The following LRP1B variants were observed in gnomAD, a reference collection of about 807,000 sequenced individuals.
LRP1B encodes the protein LDL receptor related protein 1B, also known as low-density lipoprotein receptor-related protein 1B.
In LRP1B, 217 loss-of-function variants were observed where a neutral mutation model predicts 556.6. The observed-to-expected ratio is 0.39, with a 90% CI of 0.35 to 0.44. The LOEUF is 0.44. Among genes scored for constraint, LRP1B ranks in the 20% least tolerant of loss-of-function variants. The probability of loss-of-function intolerance (pLI) is 1.00; values close to 1 mark genes in which losing one functional copy is unlikely to be tolerated. For synonymous variants in LRP1B, 2,047 were observed against 1,865.8 expected, an observed-to-expected ratio of 1.10 and a Z score of -2.50; for missense variants, 5,053 against 5,620.8, an observed-to-expected ratio of 0.90 and a Z score of 3.23.
chr2:140,310,340 A>G (rs557656954), intron 83 of LRP1B, among the ~76,000 whole-genome samples: 15 of 151,464 alleles, frequency 9.9e-5, no homozygotes, highest in Non-Finnish European at 1.5e-4. Flanking sequence ...TACAGATTCA[A>G]TGCAATTTCT....
chr2:141,549,762 C>T (rs987225049), intron 2 of LRP1B, among the ~76,000 whole-genome samples: 6 of 152,078 alleles, frequency 3.9e-5, no homozygotes, highest in African/African-American at 9.7e-5. Flanking sequence ...TTTGGGAGGC[C>T]GAGGCAGGTG....
chr2:140,777,567 C>G (rs1314561551), intron 32 of LRP1B, among the ~76,000 whole-genome samples: 1 of 152,130 alleles, frequency 6.6e-6, no homozygotes, highest in African/African-American at 2.4e-5. Flanking sequence ...ATAAACAGTC[C>G]TTCTTTGTTA....
At chr2:141,896,987 G>C (rs1220706973) in intron 1 of LRP1B, among the ~76,000 whole-genome samples, 2 of 152,072 alleles carry the variant, frequency 1.3e-5, no homozygotes. Context: ...CCACATGTTA[G>C]GGTACGGCTT....
At chr2:140,488,779 G>A (rs183262738) in intron 57 of LRP1B, among the ~76,000 whole-genome samples, 8 of 152,044 alleles carry the variant, frequency 5.3e-5, no homozygotes, top group African/African-American at 7.2e-5. Flanking sequence ...AATATTCACC[G>A]TAAAGTTGAT....
intron 3 of LRP1B, among the ~76,000 whole-genome samples, chr2:141,460,633 A>G (rs1373044588): frequency 2.6e-5 from 4 of 152,204 alleles, no homozygotes; most frequent in African/African-American, 9.6e-5. Flanking sequence ...ATTTATAACA[A>G]TATTTGGAAT....
intron 3 of LRP1B, among the ~76,000 whole-genome samples, chr2:141,340,855 A>G (rs1361753699): frequency 2.0e-5 from 3 of 152,184 alleles, no homozygotes; most frequent in African/African-American, 7.2e-5. Context: ...AAGAAACAGA[A>G]CAACAAAAAA....
At chr2:140,369,760 G>C (rs1330225717) in intron 71 of LRP1B, among the ~76,000 whole-genome samples, 1 of 151,748 alleles carries the variant, frequency 6.6e-6, no homozygotes, top group Non-Finnish European at 1.5e-5. Flanking sequence ...TAATATTAAA[G>C]AAAGTAAAAT....
chr2:141,444,295 T>C (rs1481974897), intron 3 of LRP1B, among the ~76,000 whole-genome samples: 1 of 152,196 alleles, frequency 6.6e-6, no homozygotes, highest in Admixed American at 6.5e-5. Context: ...TCCTGAGAGT[T>C]TGCTGAAGTT....
intron 37 of LRP1B, among the ~76,000 whole-genome samples, chr2:140,712,666 G>A (rs1230194586): frequency 6.6e-6 from 1 of 151,842 alleles, no homozygotes. Flanking sequence ...TCATCACCCA[G>A]TTTGCATCAG....
intron 3 of LRP1B, among the ~76,000 whole-genome samples, chr2:141,402,131 C>A (rs1690471569): frequency 6.6e-6 from 1 of 152,094 alleles, no homozygotes; most frequent in Non-Finnish European, 1.5e-5. Flanking sequence ...TGGATTGAAT[C>A]AGAACCAGAA....
At chr2:140,497,360 C>T (rs1688987662) in intron 55 of LRP1B, among the ~76,000 whole-genome samples, 2 of 151,802 alleles carry the variant, frequency 1.3e-5, no homozygotes, top group South Asian at 2.1e-4. Context: ...TATTACTTTC[C>T]TTGAGAAGAT....
At chr2:142,126,152 C>T (rs993221468) in intron 1 of LRP1B, among the ~76,000 whole-genome samples, 4 of 151,818 alleles carry the variant, frequency 2.6e-5, no homozygotes, top group Admixed American at 2.0e-4. Context: ...AATTTTGACA[C>T]GTGTTTCTGC....
At chr2:140,342,014 C>T (rs1416253312) in intron 77 of LRP1B, among the ~76,000 whole-genome samples, 1 of 151,182 alleles carries the variant, frequency 6.6e-6, no homozygotes, top group East Asian at 1.9e-4. Context: ...TAAAAAACCA[C>T]GACGAGATCC....
At chr2:141,392,020 A>G (rs1470470151) in intron 3 of LRP1B, among the ~76,000 whole-genome samples, 1 of 152,154 alleles carries the variant, frequency 6.6e-6, no homozygotes, top group Non-Finnish European at 1.5e-5. Context: ...GGGATGGAGC[A>G]TATGTTTAGC....
intron 35 of LRP1B, among the ~76,000 whole-genome samples, chr2:140,741,639 C>T (rs567523395): frequency 6.6e-6 from 1 of 152,278 alleles, no homozygotes; most frequent in African/African-American, 2.4e-5. Context: ...TCCTACCACT[C>T]TCCATTCTCA....
intron 77 of LRP1B, among the ~76,000 whole-genome samples, chr2:140,338,501 AC>A (rs1681211874): frequency 6.6e-6 from 1 of 151,710 alleles, no homozygotes; most frequent in Non-Finnish European, 1.5e-5. Flanking sequence ...TTAGGAAATC[AC>A]CCTTTGTACT....
intron 18 of LRP1B, among the ~76,000 whole-genome samples, chr2:140,975,483 G>A (rs1367210095): frequency 4.1e-5 from 1 of 24,408 alleles, no homozygotes; most frequent in African/African-American, 9.5e-5. Flanking sequence ...AAGAGCTAAA[G>A]TTATATAAGC....
At chr2:141,289,635 A>G (rs954953991) in intron 3 of LRP1B, among the ~76,000 whole-genome samples, 7 of 152,176 alleles carry the variant, frequency 4.6e-5, no homozygotes, top group African/African-American at 1.7e-4. Flanking sequence ...TTTAGGAAAA[A>G]TAGACAACCT....
At chr2:141,979,117 G>C (rs1701971155) in intron 1 of LRP1B, among the ~76,000 whole-genome samples, 1 of 151,932 alleles carries the variant, frequency 6.6e-6, no homozygotes, top group Non-Finnish European at 1.5e-5. Context: ...AAATCTACTT[G>C]CTATGAAATA....
Sources: gnomAD v4.1 joint callset for allele counts (sites outside exome capture counted in the v4.1 genomes callset) on GRCh38, gnomAD v4.1.1 for gene constraint, MANE v1.5 for transcripts, NCBI Gene and HGNC (gene_info 2026-07-23, HGNC 2026-07-21) for gene names.